Variants in ATP13A3 observed in about 807,000 individuals in gnomAD.
ATP13A3 encodes the protein ATPase 13A3, also known as polyamine-transporting ATPase 13A3.
A neutral mutation model predicts 158.1 loss-of-function variants in ATP13A3; 59 were observed. That is an observed-to-expected ratio of 0.37 (90% CI 0.30 to 0.46). The LOEUF (loss-of-function observed/expected upper bound fraction) is 0.46, where lower values mean the gene tolerates loss of function less well. Ranked by LOEUF, ATP13A3 falls within the 20% of genes least tolerant of loss-of-function variation. The probability of loss-of-function intolerance (pLI) is 1.00; values close to 1 mark genes in which losing one functional copy is unlikely to be tolerated. For missense variants in ATP13A3, 1,166 were observed against 1,525.2 expected (o/e 0.76, Z 3.92); for synonymous variants, 491 against 504.3 (o/e 0.97, Z 0.35).
chr3:194,438,685 C>T lies in ATP13A3; in HGVS notation c.1827+171G>A, dbSNP rs568271492. Among the ~76,000 whole-genome samples the T allele has an allele frequency of 3.3e-5, 5 of 152,082 alleles. No individual in the cohort carries two copies. In the South Asian group the frequency reaches 1.0e-3, roughly 32 times the overall value. On this transcript the variant is annotated intron_variant, in intron 17 of 33. Coordinates refer to ENST00000645319, the MANE Select transcript of ATP13A3 (RefSeq NM_001367549.1). ...GGGGTGGTGGCTCACACCTGTAATC[C>T]CAGCACTTGGGGAGGCCAAGGTTGA...
At chr3:194,465,692 G>A (rs1029397137) in intron 2 of ATP13A3, among the ~76,000 whole-genome samples, 1 of 152,102 alleles carries the variant, frequency 6.6e-6, no homozygotes, top group African/African-American at 2.4e-5. Context: ...AAATCTAGGC[G>A]CAGGCTCACG....
intron 2 of ATP13A3, among the ~76,000 whole-genome samples, chr3:194,469,652 G>C (rs1720205851): frequency 2.6e-5 from 4 of 152,094 alleles, no homozygotes; most frequent in African/African-American, 9.7e-5. Context: ...TGCAGTCCTA[G>C]ATTTTTTTTC....
chr3:194,417,681 G>A (rs1715965210), intron 31 of ATP13A3, among the ~76,000 whole-genome samples: 1 of 152,144 alleles, frequency 6.6e-6, no homozygotes, highest in Non-Finnish European at 1.5e-5. Flanking sequence ...GCTCATGCCT[G>A]TAATCTTAAT....
intron 31 of ATP13A3, among the ~76,000 whole-genome samples, chr3:194,416,499 T>C (rs1279929733): frequency 6.6e-6 from 1 of 152,098 alleles, no homozygotes; most frequent in Non-Finnish European, 1.5e-5. Flanking sequence ...CCACTTATGT[T>C]AACAACACTG....
At position 194,430,171 on chromosome 3, in the gene ATP13A3, C is replaced by A. The variant is rs774949629; in HGVS notation, c.2678G>T (p.Arg893Met). The change falls in exon 26 of 34, where the codon AGG becomes ATG. Residue 893 changes from arginine to methionine, a missense_variant. Transcript: ENST00000645319. ...CGATAAGGAAATGCCTCCGTGTGCC[C>A]TCTTCAAAGCCTAATAATTTTAAGA... is the stretch of plus-strand genomic sequence containing the variant. ...DGANDCGALK[R>M]AHGGISLSEL... 1 of 1,613,920 alleles carries A rather than the reference C, an allele frequency of 6.2e-7. No homozygotes were observed. The highest frequency in any genetic ancestry group is 8.5e-7 in the Non-Finnish European group (1 of 1,179,948).
At chr3:194,416,144 A>AC (rs1715834852) in intron 31 of ATP13A3, among the ~76,000 whole-genome samples, 1 of 152,214 alleles carries the variant, frequency 6.6e-6, no homozygotes, top group Admixed American at 6.5e-5. Flanking sequence ...AAACTGTGTG[A>AC]CCATTTCAAT....
chr3:194,484,668 G>T (rs1007057885), intron 2 of ATP13A3, among the ~76,000 whole-genome samples: 1 of 152,154 alleles, frequency 6.6e-6, no homozygotes, highest in African/African-American at 2.4e-5. Context: ...CGAAAATCTT[G>T]AAGACAGAAA....
rs1714744191 is a variant in ATP13A3, at chr3:194,403,454, G to C, written c.*2465C>G. ...AAAAAAAACTTTAAACAACCCTGAG[G>C]GAGACACACATTAAAAATCTTGTTA... On this transcript the variant is annotated 3_prime_UTR_variant, in exon 34 of 34. Transcript: ENST00000645319. 1 of 152,008 alleles carries C rather than the reference G, an allele frequency of 6.6e-6. No individual in the cohort carries two copies. Among genetic ancestry groups the C allele is most frequent in the Non-Finnish European group, 1.5e-5 (1 of 67,970 alleles). The allele number at this position is 152,008 out of a possible 1,614,324, so 9.4% of individuals were successfully genotyped here.
intron 2 of ATP13A3, among the ~76,000 whole-genome samples, chr3:194,481,940 G>A (rs528453404): frequency 6.6e-6 from 1 of 152,334 alleles, no homozygotes; most frequent in Non-Finnish European, 1.5e-5. Flanking sequence ...TACTATTCGA[G>A]TTAATGTTTT....
intron 21 of ATP13A3, among the ~76,000 whole-genome samples, chr3:194,432,185 T>C (rs531987391): frequency 6.6e-6 from 1 of 152,360 alleles, no homozygotes; most frequent in East Asian, 1.9e-4. Flanking sequence ...ATCTACACAA[T>C]ACCTGGCACG....
intron 2 of ATP13A3, among the ~76,000 whole-genome samples, chr3:194,473,913 A>G (rs6768884): frequency 0.017 from 2,525 of 152,298 alleles, 77 homozygotes; most frequent in African/African-American, 0.058. Context: ...CTAATACACT[A>G]TTTTTATAGC....
chr3:194,410,667 G>A lies in ATP13A3; in HGVS notation c.3573+1532C>T, dbSNP rs1577021934. ...TTTAATTTTGGTTGAAAAGCAAGGA[G>A]AGTCTTCCAATCCAAATATTTTTAA... On this transcript the variant is annotated intron_variant, in intron 33 of 33. Coordinates refer to ENST00000645319, the MANE Select transcript of ATP13A3 (RefSeq NM_001367549.1). 2.6e-5 allele frequency among the ~76,000 whole-genome samples: 4 copies of A among 152,100 alleles called. No individual in the cohort carries two copies. In the East Asian group the frequency reaches 7.7e-4, roughly 29 times the overall value.
At chr3:194,493,824 G>A (rs1467654229) in intron 2 of ATP13A3, among the ~76,000 whole-genome samples, 1 of 152,084 alleles carries the variant, frequency 6.6e-6, no homozygotes, top group Non-Finnish European at 1.5e-5. Flanking sequence ...AACACTAAAA[G>A]TAGTAGTGAC....
At position 194,486,804 on chromosome 3, in the gene ATP13A3, C is replaced by G. The variant is rs1014031887; in HGVS notation, c.-327G>C. 6.6e-6 allele frequency: 1 copy of G among 151,178 alleles called. No homozygotes were observed. Among genetic ancestry groups the G allele is most frequent in the Admixed American group, 6.6e-5 (1 of 15,216 alleles). 9.4% of individuals were successfully genotyped at this position (151,178 alleles called of 1,614,324 possible). On this transcript the variant is annotated 5_prime_UTR_variant, in exon 1 of 34. Transcript: ENST00000645319. ...GCGCTCTCCTCCTCCTCCGCGCCCG[C>G]GGCGGCGGCGTGCAGCCGGCAGGGC...
At chr3:194,434,055 C>T (rs1233234857) in intron 20 of ATP13A3, among the ~76,000 whole-genome samples, 159 bp from the exon 21 acceptor site, 3 of 152,138 alleles carry the variant, frequency 2.0e-5, no homozygotes, top group Admixed American at 6.5e-5. Flanking sequence ...GAATAAACCA[C>T]GTGTGTGTTC....
intron 33 of ATP13A3, among the ~76,000 whole-genome samples, chr3:194,408,959 C>T (rs1030855676): frequency 5.3e-5 from 8 of 152,178 alleles, no homozygotes; most frequent in Non-Finnish European, 1.0e-4. Context: ...AACAGGGCAT[C>T]GGGGGCACAG....
At chr3:194,441,501 A>G in intron 15 of ATP13A3, 40 bp from the exon 16 acceptor site, 1 of 1,559,878 alleles carries the variant, frequency 6.4e-7, no homozygotes. Context: ...ATAAATTCTA[A>G]GATTCAAGAT....
chr3:194,483,075 C>A (rs1388992401), intron 2 of ATP13A3, among the ~76,000 whole-genome samples: 1 of 150,284 alleles, frequency 6.7e-6, no homozygotes, highest in South Asian at 2.1e-4. Flanking sequence ...CCTCTGCACT[C>A]CAGCCAGGAT....
intron 21 of ATP13A3, 123 bp from the exon 22 acceptor site, chr3:194,432,015 T>G: frequency 3.9e-6 from 3 of 767,644 alleles, no homozygotes; most frequent in Non-Finnish European, 5.5e-6. Flanking sequence ...CGATAATGTA[T>G]GGTTCTTCCA....
Sources: gnomAD v4.1 joint callset for allele counts (sites outside exome capture counted in the v4.1 genomes callset) on GRCh38, gnomAD v4.1.1 for gene constraint, MANE v1.5 for transcripts, NCBI Gene and HGNC (gene_info 2026-07-23, HGNC 2026-07-21) for gene names.